TUBGCP6: variants seen among roughly 807,000 people sequenced by gnomAD.
TUBGCP6 encodes the protein gamma-tubulin complex component 6.
A neutral mutation model predicts 175.8 loss-of-function variants in TUBGCP6; 161 were observed. The observed-to-expected ratio is 0.92, with a 90% CI of 0.81 to 1.04. The LOEUF is 1.04. TUBGCP6 is among the 50% of genes least tolerant of loss of function. The pLI is 0.00. For synonymous variants in TUBGCP6, 1,173 were observed against 1,030.5 expected (o/e 1.14, Z -2.65); for missense variants, 2,572 against 2,433.0 (o/e 1.06, Z -1.20).
rs774527811 is a variant in TUBGCP6, at chr22:50,240,381, G to T, written c.742-14C>A. On this transcript the variant is annotated splice_polypyrimidine_tract_variant and intron_variant, in intron 1 of 24. Transcript: ENST00000248846. ...ACTCGGTGGGACCTGGAGACACAGG[G>T]AAGGGCAAACCGCCACTTATTGCTG... 5.6e-6 allele frequency: 9 copies of T among 1,611,196 alleles called. No homozygotes were observed. The South Asian group carries it at 8.8e-5, about 16-fold the overall frequency.
intron 10 of TUBGCP6, among the ~76,000 whole-genome samples, chr22:50,225,118 C>T (rs1197493860): frequency 8.3e-5 from 12 of 144,330 alleles, no homozygotes; most frequent in East Asian, 6.4e-4. Context: ...AGGCCATGGA[C>T]GGGAGCTGAC....
chr22:50,227,929 TGAA>T lies in TUBGCP6; in HGVS notation c.1387_1389del (p.Phe463del), dbSNP rs2064636467. 6.3e-7 allele frequency: 1 copy of T among 1,576,168 alleles called. No individual in the cohort carries two copies. Among genetic ancestry groups the T allele is most frequent in the Middle Eastern group, 1.7e-4 (1 of 5,770 alleles). On this transcript the variant is annotated inframe_deletion, in exon 5 of 25. Coordinates refer to ENST00000248846, the MANE Select transcript of TUBGCP6 (RefSeq NM_020461.4). ...CACCTGAGCTGCCGGCCAAGTTTCT[TGAA>T]GAGAAAACCAATGGTGAGGAGGCTC...
rs370490130 is a variant in TUBGCP6 at position 50,220,518 on chromosome 22, C to A, written c.3841G>T (p.Ala1281Ser). ...PIPPPHMVLG[A>S]LSPEAEPNTP... ...TTGGGCTCAGCTTCTGGTGAGAGAG[C>A]CCCCAGCACCATGTGGGGCGGAGGG... The change falls in exon 16 of 25, where the codon GCT becomes TCT. Residue 1281 changes from alanine to serine, a missense_variant. Physicochemically the swap from Ala to Ser is moderately conservative, Grantham distance 99. Transcript: ENST00000248846. 2.8e-5 allele frequency: 45 copies of A among 1,613,174 alleles called. No individual in the cohort carries two copies. The highest frequency in any genetic ancestry group is 3.6e-5 in the Non-Finnish European group (42 of 1,179,990).
rs1353379009 is a variant in TUBGCP6 at position 50,220,398 on chromosome 22, G to A, written c.3961C>T (p.Leu1321=). The A allele has an allele frequency of 5.1e-6, 8 of 1,577,180 alleles. No homozygotes were observed. The highest frequency in any genetic ancestry group is 6.0e-6 in the Non-Finnish European group (7 of 1,157,710). ...QSTVLDCGPR[L]PVEVGPSLSS... is the part of the protein sequence containing the mutation. The stretch of plus-strand genomic sequence containing the variant: ...AGAGATGGCCCCACTTCTACAGGCA[G>A]CCGTGGCCCACAGTCCAGCACAGTG... The change falls in exon 16 of 25, where the codon CTG becomes TTG. Residue 1321 remains leucine (L), a synonymous_variant. Coordinates refer to ENST00000248846, the MANE Select transcript of TUBGCP6 (RefSeq NM_020461.4).
Position 50,219,090 on chromosome 22 carries a change from A to C in TUBGCP6, c.4604T>G (p.Leu1535Arg). The change falls in exon 20 of 25, where the codon CTC becomes CGC. Residue 1535 changes from leucine to arginine, a missense_variant. Physicochemically the swap from Leu to Arg is moderately radical, Grantham distance 102 (BLOSUM62 -2). Coordinates refer to ENST00000248846, the MANE Select transcript of TUBGCP6 (RefSeq NM_020461.4). ...CACCTTCTCAAAGAGCAGGTCGCTG[A>C]GGGACTGGGCGAACTCGCCGTCCTC... ...LMEDGEFAQS[L>R]SDLLFEKLGA... 6.2e-7 allele frequency: 1 copy of C among 1,612,740 alleles called. No homozygotes were observed. The highest frequency in any genetic ancestry group is 1.1e-5 in the South Asian group (1 of 91,010).
intron 4 of TUBGCP6, among the ~76,000 whole-genome samples, chr22:50,228,837 G>A (rs2064652896): frequency 6.6e-6 from 1 of 152,046 alleles, no homozygotes; most frequent in Non-Finnish European, 1.5e-5. Flanking sequence ...CTCCTCCAGG[G>A]CTCTCTGCCC....
intron 2 of TUBGCP6, among the ~76,000 whole-genome samples, chr22:50,234,440 CA>C (rs2064738640): frequency 6.7e-6 from 1 of 149,192 alleles, no homozygotes; most frequent in African/African-American, 2.5e-5. Flanking sequence ...ACGGCAGCAT[CA>C]TCCACATCCA....
chr22:50,219,169 C>A lies in TUBGCP6; in HGVS notation c.4525G>T (p.Val1509Leu). Residue 1509 changes from valine (V) to leucine (L), a missense_variant, in exon 20 of 25, where the codon GTG becomes TTG. Val to Leu is a conservative substitution (Grantham distance 32). Coordinates refer to ENST00000248846, the MANE Select transcript of TUBGCP6 (RefSeq NM_020461.4). ...TAGTGCGCCTCCAGGTGCAGCTCCA[C>A]GAAGAAGTAGTCGACAGCGGCCTTG... is the stretch of plus-strand genomic sequence containing the variant. ...VNKAAVDYFF[V>L]ELHLEAHYEA... The A allele has an allele frequency of 6.2e-7, 1 of 1,612,400 alleles. No individual in the cohort carries two copies. The highest frequency in any genetic ancestry group is 8.5e-7 in the Non-Finnish European group (1 of 1,179,992).
At chr22:50,232,659 G>A (rs547040047) in intron 3 of TUBGCP6, among the ~76,000 whole-genome samples, 3 of 152,358 alleles carry the variant, frequency 2.0e-5, no homozygotes, top group South Asian at 2.1e-4. Context: ...CGCCCTCAGC[G>A]CCGGCAGCAG....
chr22:50,226,277 T>C lies in TUBGCP6; in HGVS notation c.1693+10A>G, dbSNP rs781679404. 4 of 1,613,976 alleles carry C rather than the reference T, an allele frequency of 2.5e-6. No homozygotes were observed. Among genetic ancestry groups the C allele is most frequent in the East Asian group, 2.2e-5 (1 of 44,864 alleles). Reference sequence around the variant, plus strand: ...CACGGACCCCTGCCCCGCAATCAGCTGCCACCTACCTCGGAAGCTGAGGTA... The same window carrying C: ...CACGGACCCCTGCCCCGCAATCAGCCGCCACCTACCTCGGAAGCTGAGGTA... On this transcript the variant is annotated intron_variant, in intron 8 of 24. Transcript: ENST00000248846.
chr22:50,219,931 G>A (rs1456956999), intron 17 of TUBGCP6, 26 bp downstream of exon 17: 1 of 1,613,550 alleles, frequency 6.2e-7, no homozygotes. Context: ...GCCTGCTGTG[G>A]GACCCCCAGG....
At chr22:50,227,762 G>A (rs1336203690) in intron 5 of TUBGCP6, 145 bp downstream of exon 5, 17 of 1,201,400 alleles carry the variant, frequency 1.4e-5, no homozygotes, top group South Asian at 4.6e-5. Flanking sequence ...TGGTGAACTC[G>A]GCCGGCCAAG....
chr22:50,221,700 C>T lies in TUBGCP6; in HGVS notation c.2659G>A (p.Ala887Thr). ...CTGAGGCTGTCAGAGAAGGGTCTGG[C>T]CCCCTCCGCCTGCTGCAGCCCCCTG... ...GGRGLQQAEG[A>T]RPFSDSLSIG... The change falls in exon 16 of 25, where the codon GCC becomes ACC. Residue 887 changes from alanine (A) to threonine (T), a missense_variant. By Grantham distance (58) the Ala-to-Thr change is moderately conservative (BLOSUM62 0). Transcript: ENST00000248846. 1.3e-6 allele frequency: 2 copies of T among 1,517,388 alleles called. No homozygotes were observed. Among genetic ancestry groups the T allele is most frequent in the Non-Finnish European group, 1.8e-6 (2 of 1,134,614 alleles). The allele number at this position is 1,517,388 out of a possible 1,614,324, so 94.0% of individuals were successfully genotyped here. A position where few individuals can be genotyped will look rare whatever the true frequency, so the allele number is the denominator to read the frequency against.
intron 1 of TUBGCP6, among the ~76,000 whole-genome samples, chr22:50,242,088 A>C (rs560288084): frequency 2.1e-4 from 32 of 151,780 alleles, no homozygotes; most frequent in African/African-American, 7.2e-4. Context: ...GTGAGGAGAT[A>C]GAGACCATCC....
At position 50,243,774 on chromosome 22, in the gene TUBGCP6, C is replaced by A. The variant is rs2064879022; in HGVS notation, c.686G>T (p.Arg229Leu). 2.5e-6 allele frequency: 4 copies of A among 1,613,572 alleles called. No individual in the cohort carries two copies. In the East Asian group the frequency reaches 8.9e-5, roughly 36 times the overall value. The change falls in exon 1 of 25, where the codon CGA becomes CTA. Residue 229 changes from arginine (R) to leucine (L), a missense_variant. Physicochemically the swap from Arg to Leu is moderately radical, Grantham distance 102. Coordinates refer to ENST00000248846, the MANE Select transcript of TUBGCP6 (RefSeq NM_020461.4). ...GTCTGGCACGGGGGGCAGGCCCAGT[C>A]GGACGTCCATGTCATAAGTGCGGCT... ...VHSRTYDMDV[R>L]LGLPPVPDNA...
chr22:50,241,838 G>A (rs182722954), intron 1 of TUBGCP6, among the ~76,000 whole-genome samples: 213 of 152,178 alleles, frequency 1.4e-3, no homozygotes, highest in African/African-American at 4.9e-3. Flanking sequence ...TGGTCTCCAC[G>A]TGTTGGTGGT....
rs555324249 is a variant in TUBGCP6 at position 50,225,720 on chromosome 22, G to A, written c.1983+74C>T. 877 of 1,533,042 alleles carry A rather than the reference G, an allele frequency of 5.7e-4. 1 individual carries two copies. Among genetic ancestry groups the A allele is most frequent in the Non-Finnish European group, 7.0e-4 (802 of 1,143,170 alleles). 95.0% of individuals were successfully genotyped at this position (1,533,042 alleles called of 1,614,324 possible). On this transcript the variant is annotated intron_variant, in intron 10 of 24. Transcript: ENST00000248846. ...CCCATCTTGCACAGCCCTCATGTCCGCCCCACCAACCTGAGACCCCAGGAA... is the reference window on the plus strand; with the variant it reads ...CCCATCTTGCACAGCCCTCATGTCCACCCCACCAACCTGAGACCCCAGGAA...
chr22:50,238,396 G>A (rs553132084), intron 2 of TUBGCP6, among the ~76,000 whole-genome samples: 1 of 148,702 alleles, frequency 6.7e-6, no homozygotes, highest in African/African-American at 2.5e-5. Context: ...GCAGTGAGCT[G>A]GAGATGGTGC....
rs1484201802 is a variant in TUBGCP6, at chr22:50,221,549, G to A, written c.2810C>T (p.Ala937Val). The change falls in exon 16 of 25, where the codon GCA becomes GTA. Residue 937 changes from alanine (A) to valine (V), a missense_variant. Coordinates refer to ENST00000248846, the MANE Select transcript of TUBGCP6 (RefSeq NM_020461.4). ...LDLPPSAPGEAPAAASTQPSR... is the reference protein window; with the variant it reads ...LDLPPSAPGEVPAAASTQPSR... Reference sequence around the variant, plus strand: ...GGGCTGAGTGCTGGCTGCTGCGGGTGCCTCCCCAGGAGCTGAGGGGGGCAG... The same window carrying A: ...GGGCTGAGTGCTGGCTGCTGCGGGTACCTCCCCAGGAGCTGAGGGGGGCAG... 21 of 1,586,904 alleles carry A rather than the reference G, an allele frequency of 1.3e-5. No homozygotes were observed. Among genetic ancestry groups the A allele is most frequent in the Non-Finnish European group, 1.7e-5 (20 of 1,164,738 alleles).
Sources: allele counts gnomAD v4.1 joint callset (sites outside exome capture counted in the v4.1 genomes callset), GRCh38; gene constraint gnomAD v4.1.1; transcripts MANE v1.5; gene names NCBI Gene and HGNC (gene_info 2026-07-23, HGNC 2026-07-21).